The following TRAPPC3L variants were observed in gnomAD, a reference collection of about 807,000 sequenced individuals.
TRAPPC3L encodes trafficking protein particle complex subunit 3L, also known as trafficking protein particle complex subunit 3-like protein.
A neutral mutation model predicts 23.7 loss-of-function variants in TRAPPC3L; 23 were observed. The ratio of observed to expected loss-of-function variants is 0.97; its 90% CI spans 0.70 to 1.37. The LOEUF (loss-of-function observed/expected upper bound fraction) is 1.37, where lower values mean the gene tolerates loss of function less well. Among genes scored for constraint, TRAPPC3L ranks in the 40% most tolerant of loss-of-function variants. The probability of loss-of-function intolerance (pLI) is 0.00; values close to 1 mark genes in which losing one functional copy is unlikely to be tolerated. For synonymous variants in TRAPPC3L, 81 were observed against 77.9 expected, an observed-to-expected ratio of 1.04 and a Z score of -0.21; for missense variants, 212 against 216.8, an observed-to-expected ratio of 0.98 and a Z score of 0.14.
At chr6:116,521,702 T>C (rs1488325790) in intron 3 of TRAPPC3L, 1 of 152,212 alleles carries the variant, frequency 6.6e-6, no homozygotes, top group Non-Finnish European at 1.5e-5. Flanking sequence ...AATAATGCTT[T>C]AATAACTATC....
At chr6:116,497,440 A>T (rs2072061247) in intron 4 of TRAPPC3L, among the ~76,000 whole-genome samples, 2 of 152,208 alleles carry the variant, frequency 1.3e-5, no homozygotes, top group African/African-American at 2.4e-5. Context: ...TCCAAGAATA[A>T]ATGGATTCTT....
At chr6:116,509,526 C>G (rs1235940630) in intron 3 of TRAPPC3L, among the ~76,000 whole-genome samples, 1 of 152,020 alleles carries the variant, frequency 6.6e-6, no homozygotes, top group Non-Finnish European at 1.5e-5. Flanking sequence ...GAATAGAGAA[C>G]TCAGAACCAA....
intron 3 of TRAPPC3L, among the ~76,000 whole-genome samples, chr6:116,504,075 A>C (rs1292596011): frequency 6.6e-6 from 1 of 152,210 alleles, no homozygotes; most frequent in African/African-American, 2.4e-5. Context: ...CCTTCAAAAA[A>C]TCAATGAATC....
Position 116,543,297 on chromosome 6 carries a change from A to G in TRAPPC3L, c.140+6T>C. 2 of 1,543,314 alleles carry G rather than the reference A, an allele frequency of 1.3e-6. No individual in the cohort carries two copies. Among genetic ancestry groups the G allele is most frequent in the Non-Finnish European group, 8.8e-7 (1 of 1,141,696 alleles). On this transcript the variant is annotated splice_donor_region_variant and intron_variant, in intron 2 of 4. Coordinates refer to ENST00000368602, the MANE Select transcript of TRAPPC3L (RefSeq NM_001139444.3). ...CATTCAATAAGAATGAAGGACTTCC[A>G]CTTACATTTTATCTAAATATTGGTT...
chr6:116,537,260 C>A (rs1211838485), intron 3 of TRAPPC3L, among the ~76,000 whole-genome samples: 2 of 152,110 alleles, frequency 1.3e-5, no homozygotes, highest in Admixed American at 1.3e-4. Flanking sequence ...GGAAGGAATT[C>A]ATCAGAATGG....
At chr6:116,511,865 G>C in intron 3 of TRAPPC3L, 1 of 1,614,020 alleles carries the variant, frequency 6.2e-7, no homozygotes, top group Non-Finnish European at 8.5e-7. Context: ...TTTCCTCTTT[G>C]CTCCTGCCTG....
chr6:116,499,683 A>G (rs556384439), intron 4 of TRAPPC3L, among the ~76,000 whole-genome samples: 1 of 152,130 alleles, frequency 6.6e-6, no homozygotes, highest in Non-Finnish European at 1.5e-5. Context: ...TCTACCTGTT[A>G]GATTATTTTT....
At chr6:116,497,258 G>T (rs1286153032) in intron 4 of TRAPPC3L, among the ~76,000 whole-genome samples, 185 bp from the exon 5 acceptor site, 2 of 152,178 alleles carry the variant, frequency 1.3e-5, no homozygotes, top group African/African-American at 4.8e-5. Context: ...TCAGCTCTGT[G>T]GTGTGAATCT....
At chr6:116,540,534 G>C in intron 2 of TRAPPC3L, 72 bp from the exon 3 acceptor site, 1 of 1,436,188 alleles carries the variant, frequency 7.0e-7, no homozygotes, top group Non-Finnish European at 9.6e-7. Flanking sequence ...TTTAAGAAGC[G>C]ATTTGTGTGT....
At chr6:116,501,327 G>A (rs947368416) in intron 3 of TRAPPC3L, among the ~76,000 whole-genome samples, 6 of 152,100 alleles carry the variant, frequency 3.9e-5, no homozygotes, top group East Asian at 1.9e-4. Flanking sequence ...TTGAGTAGGC[G>A]GTTCTATGCT....
At chr6:116,503,342 G>A (rs1771950539) in intron 3 of TRAPPC3L, among the ~76,000 whole-genome samples, 1 of 152,156 alleles carries the variant, frequency 6.6e-6, no homozygotes, top group African/African-American at 2.4e-5. Context: ...AAATATATGT[G>A]CACCCAATAC....
intron 3 of TRAPPC3L, among the ~76,000 whole-genome samples, chr6:116,540,044 G>T (rs1276014579): frequency 1.3e-5 from 2 of 152,130 alleles, no homozygotes; most frequent in African/African-American, 2.4e-5. Flanking sequence ...TAAAGAAACT[G>T]GTTTGGGGCA....
At chr6:116,533,947 G>A (rs1583285463) in intron 3 of TRAPPC3L, among the ~76,000 whole-genome samples, 1 of 152,120 alleles carries the variant, frequency 6.6e-6, no homozygotes, top group Non-Finnish European at 1.5e-5. Flanking sequence ...GTTCCCTGCC[G>A]GCAGTCTGAG....
intron 2 of TRAPPC3L, 100 bp from the exon 3 acceptor site, chr6:116,540,562 G>T: frequency 1.6e-6 from 2 of 1,231,672 alleles, no homozygotes; most frequent in South Asian, 1.4e-5. Flanking sequence ...TTGTGCAAGT[G>T]AATCACAAAT....
At position 116,496,809 on chromosome 6, in the gene TRAPPC3L, C is replaced by T; in HGVS notation, c.*145G>A. The T allele has an allele frequency of 8.5e-7, 1 of 1,179,872 alleles. No individual in the cohort carries two copies. Among genetic ancestry groups the T allele is most frequent in the Non-Finnish European group, 1.1e-6 (1 of 890,542 alleles). 73.1% of individuals were successfully genotyped at this position (1,179,872 alleles called of 1,614,324 possible). On this transcript the variant is annotated 3_prime_UTR_variant, in exon 5 of 5. Coordinates refer to ENST00000368602, the MANE Select transcript of TRAPPC3L (RefSeq NM_001139444.3). ...CAAAAGGAAAAAAAAACCTTTAAGC[C>T]TTCATGCCCTGCATTTCAAATTTCT...
intron 3 of TRAPPC3L, among the ~76,000 whole-genome samples, chr6:116,515,186 T>C: frequency 6.6e-6 from 1 of 152,242 alleles, no homozygotes; most frequent in Non-Finnish European, 1.5e-5. Context: ...TGTATATACA[T>C]TTATCAATGC....
chr6:116,541,737 G>A (rs1773476862), intron 2 of TRAPPC3L, among the ~76,000 whole-genome samples: 1 of 152,118 alleles, frequency 6.6e-6, no homozygotes, highest in Non-Finnish European at 1.5e-5. Flanking sequence ...TATTTCCAGT[G>A]TTTTCTAATT....
chr6:116,539,789 C>T (rs186018272), intron 3 of TRAPPC3L, among the ~76,000 whole-genome samples: 42 of 152,106 alleles, frequency 2.8e-4, no homozygotes, highest in Non-Finnish European at 5.6e-4. Flanking sequence ...ACATTAATAA[C>T]CATAGGCCAA....
Position 116,543,412 on chromosome 6 carries a change from G to A in TRAPPC3L, c.43-12C>T. The A allele has an allele frequency of 6.5e-7, 1 of 1,543,516 alleles. No homozygotes were observed. The highest frequency in any genetic ancestry group is 8.8e-7 in the Non-Finnish European group (1 of 1,142,010). ...AAGAGATCTTTATTCTGGAGAAAAAGGGGTAGTTTCTGGTTATAGGCAAGT... is the reference window on the plus strand; with the variant it reads ...AAGAGATCTTTATTCTGGAGAAAAAAGGGTAGTTTCTGGTTATAGGCAAGT... On this transcript the variant is annotated splice_polypyrimidine_tract_variant and intron_variant, in intron 1 of 4. Coordinates refer to ENST00000368602, the MANE Select transcript of TRAPPC3L (RefSeq NM_001139444.3).
Sources: allele counts gnomAD v4.1 joint callset (sites outside exome capture counted in the v4.1 genomes callset), GRCh38; gene constraint gnomAD v4.1.1; transcripts MANE v1.5; gene names NCBI Gene and HGNC (gene_info 2026-07-23, HGNC 2026-07-21).